The following AGBL4 variants were observed in gnomAD, a reference collection of about 807,000 sequenced individuals.
AGBL4 encodes the protein AGBL carboxypeptidase 4.
Under a neutral mutation model 66.4 loss-of-function variants are expected in AGBL4, and 58 were observed. That is an observed-to-expected ratio of 0.87 (90% CI 0.71 to 1.09). The LOEUF (loss-of-function observed/expected upper bound fraction) is 1.09. AGBL4 is among the 50% of genes least tolerant of loss of function. The pLI, the probability that AGBL4 is intolerant of heterozygous loss-of-function variation, is 0.00. For missense variants in AGBL4, 579 were observed against 631.0 expected (o/e 0.92, Z 0.88); for synonymous variants, 234 against 222.9 (o/e 1.05, Z -0.44).
chr1:48,722,812 T>C (rs1647173519), intron 6 of AGBL4, among the ~76,000 whole-genome samples: 1 of 152,192 alleles, frequency 6.6e-6, no homozygotes, highest in Non-Finnish European at 1.5e-5. Context: ...TGGAGCACCA[T>C]GTCCAGTCCT....
chr1:49,474,874 A>G (rs2148717568), intron 3 of AGBL4, among the ~76,000 whole-genome samples: 1 of 152,130 alleles, frequency 6.6e-6, no homozygotes, highest in South Asian at 2.1e-4. Flanking sequence ...CCCCAAGTAC[A>G]TTAGCAAAGA....
chr1:49,834,570 C>T (rs929695132), intron 2 of AGBL4, among the ~76,000 whole-genome samples: 12 of 151,976 alleles, frequency 7.9e-5, no homozygotes, highest in Non-Finnish European at 1.6e-4. Flanking sequence ...GTGTCTTGAT[C>T]TCCTTCAGTT....
intron 3 of AGBL4, among the ~76,000 whole-genome samples, chr1:49,275,953 C>T (rs924647777): frequency 5.9e-5 from 9 of 152,106 alleles, no homozygotes; most frequent in African/African-American, 2.2e-4. Flanking sequence ...ACATCTCAGT[C>T]AAACTATAAC....
intron 1 of AGBL4, among the ~76,000 whole-genome samples, chr1:49,874,153 C>T (rs566954497): frequency 2.0e-5 from 3 of 151,924 alleles, no homozygotes; most frequent in Non-Finnish European, 4.4e-5. Flanking sequence ...AAAAACTGAA[C>T]ATCTTTTTAA....
chr1:49,234,389 A>G (rs1029227227), intron 4 of AGBL4, among the ~76,000 whole-genome samples: 1 of 152,200 alleles, frequency 6.6e-6, no homozygotes, highest in Non-Finnish European at 1.5e-5. Flanking sequence ...GAAATGGTAT[A>G]TAAGTTGAGG....
chr1:48,830,535 C>T (rs1293906251), intron 6 of AGBL4, among the ~76,000 whole-genome samples: 1 of 152,156 alleles, frequency 6.6e-6, no homozygotes, highest in Non-Finnish European at 1.5e-5. Context: ...ATTTTGTATC[C>T]ACAATGTAGG....
At chr1:49,886,821 G>C (rs1411138979) in intron 1 of AGBL4, among the ~76,000 whole-genome samples, 4 of 152,062 alleles carry the variant, frequency 2.6e-5, no homozygotes, top group Admixed American at 2.6e-4. Flanking sequence ...AATTAGACTT[G>C]CACTTCTAAA....
At chr1:49,700,784 A>G (rs992409377) in intron 2 of AGBL4, among the ~76,000 whole-genome samples, 6 of 152,154 alleles carry the variant, frequency 3.9e-5, no homozygotes, top group African/African-American at 1.2e-4. Context: ...ATGCACATAC[A>G]TATACATATA....
intron 5 of AGBL4, among the ~76,000 whole-genome samples, chr1:48,921,766 A>T (rs998051833): frequency 3.9e-5 from 6 of 152,208 alleles, no homozygotes; most frequent in African/African-American, 1.4e-4. Context: ...GCTTATACAT[A>T]ATGGTAGAGC....
intron 1 of AGBL4, among the ~76,000 whole-genome samples, chr1:49,867,109 T>TC (rs1254663643): frequency 6.6e-6 from 1 of 152,084 alleles, no homozygotes. Context: ...GGCCAGGTCT[T>TC]CCCCAGAGCC....
At chr1:49,525,466 C>T (rs1239842576) in intron 3 of AGBL4, among the ~76,000 whole-genome samples, 2 of 151,964 alleles carry the variant, frequency 1.3e-5, no homozygotes, top group Non-Finnish European at 2.9e-5. Context: ...CAGTAATGAG[C>T]TTGGTGAGCC....
At chr1:49,304,618 A>T (rs1644816887) in intron 3 of AGBL4, among the ~76,000 whole-genome samples, 1 of 152,180 alleles carries the variant, frequency 6.6e-6, no homozygotes, top group Non-Finnish European at 1.5e-5. Flanking sequence ...GGGACTTGTA[A>T]ACAGGCAAAG....
chr1:49,501,662 T>C (rs1609211), intron 3 of AGBL4, among the ~76,000 whole-genome samples: 14,040 of 152,014 alleles, frequency 0.092, 878 homozygotes, highest in African/African-American at 0.16. Flanking sequence ...TTATCTTTAT[T>C]ATTTCCTTCC....
chr1:49,127,635 C>A (rs1237101174), intron 4 of AGBL4, among the ~76,000 whole-genome samples: 2 of 152,114 alleles, frequency 1.3e-5, no homozygotes, highest in South Asian at 4.1e-4. Flanking sequence ...CTAGGGAGAA[C>A]TGAACAACTC....
chr1:49,894,667 G>A (rs1649005046), intron 1 of AGBL4, among the ~76,000 whole-genome samples: 1 of 152,072 alleles, frequency 6.6e-6, no homozygotes, highest in Non-Finnish European at 1.5e-5. Context: ...TGATCAAGTA[G>A]AAGAAAGAAT....
At chr1:48,891,594 C>G (rs1336689680) in intron 5 of AGBL4, among the ~76,000 whole-genome samples, 1 of 152,208 alleles carries the variant, frequency 6.6e-6, no homozygotes, top group Non-Finnish European at 1.5e-5. Flanking sequence ...TTCAGCTCTA[C>G]TGCCTTTTGT....
intron 3 of AGBL4, among the ~76,000 whole-genome samples, chr1:49,356,163 G>A (rs1570509642): frequency 6.6e-6 from 1 of 152,148 alleles, no homozygotes; most frequent in African/African-American, 2.4e-5. Flanking sequence ...CCAAAATTAG[G>A]ATCCTGGGGG....
chr1:49,618,259 G>C (rs1475511737), intron 3 of AGBL4, among the ~76,000 whole-genome samples: 1 of 152,116 alleles, frequency 6.6e-6, no homozygotes, highest in African/African-American at 2.4e-5. Context: ...TATCATTAAT[G>C]GGCATTTGAG....
chr1:49,843,047 C>A (rs1467809505), intron 2 of AGBL4, among the ~76,000 whole-genome samples: 1 of 152,124 alleles, frequency 6.6e-6, no homozygotes, highest in Non-Finnish European at 1.5e-5. Context: ...CAGGCAATTT[C>A]CCATTGGCAT....
Sources: gnomAD v4.1 joint callset for allele counts (sites outside exome capture counted in the v4.1 genomes callset) on GRCh38, gnomAD v4.1.1 for gene constraint, MANE v1.5 for transcripts, NCBI Gene and HGNC (gene_info 2026-07-23, HGNC 2026-07-21) for gene names.